The following ERI3 variants were observed in gnomAD, a reference collection of about 807,000 sequenced individuals.
The protein encoded by ERI3 is ERI1 exoribonuclease 3.
A neutral mutation model predicts 44.4 loss-of-function variants in ERI3; 18 were observed. The observed-to-expected ratio is 0.41, with a 90% CI of 0.28 to 0.60. ERI3 has a LOEUF of 0.60. ERI3 is among the 20% of genes least tolerant of loss of function. ERI3 has a pLI of 0.36. For missense variants in ERI3, 294 were observed against 435.5 expected (o/e 0.68, Z 2.89); for synonymous variants, 183 against 164.8 (o/e 1.11, Z -0.84).
chr1:44,271,960 G>A lies in ERI3; in HGVS notation c.831+12875C>T, dbSNP rs146302962. ...CCTTGCCAATGCTCACATGAACTCT[G>A]CTGTGAGAGTCTCTTTTTCCTAGCT... On this transcript the variant is annotated intron_variant, in intron 7 of 8. Coordinates refer to ENST00000372257, the MANE Select transcript of ERI3 (RefSeq NM_024066.3). Among the ~76,000 whole-genome samples the A allele has an allele frequency of 3.9e-5, 6 of 152,290 alleles. No individual in the cohort carries two copies. In the South Asian group the frequency reaches 1.2e-3, roughly 32 times the overall value.
intron 5 of ERI3, among the ~76,000 whole-genome samples, chr1:44,310,967 A>C (rs3927125): frequency 2.9e-5 from 2 of 67,978 alleles, no homozygotes; most frequent in Non-Finnish European, 6.2e-5. Context: ...GCGCGCGCAC[A>C]CACACACACA....
intron 8 of ERI3, among the ~76,000 whole-genome samples, chr1:44,242,847 C>T (rs1426817375): frequency 6.6e-6 from 1 of 152,216 alleles, no homozygotes; most frequent in Admixed American, 6.5e-5. Context: ...CAAAGCTGTA[C>T]TGCAGACGAG....
intron 2 of ERI3, among the ~76,000 whole-genome samples, chr1:44,342,842 T>A (rs1028199632): frequency 2.5e-4 from 8 of 31,826 alleles, no homozygotes; most frequent in South Asian, 1.8e-3. Context: ...TATATATATA[T>A]ATATATATAT....
chr1:44,284,752 T>C (rs1645356960), intron 7 of ERI3, 83 bp downstream of exon 7: 2 of 997,758 alleles, frequency 2.0e-6, no homozygotes, highest in Non-Finnish European at 3.2e-6. Context: ...GGAGAACAGA[T>C]ATAAGAAAAG....
Position 44,241,187 on chromosome 1 carries a change from T to C in ERI3, c.931+6752A>G, listed in dbSNP as rs1269067300. ...GACATTGTCTCTCACCTTAAACCAGTGGTAATGACTTGCAAATATTGATGA... is the reference window on the plus strand; with the variant it reads ...GACATTGTCTCTCACCTTAAACCAGCGGTAATGACTTGCAAATATTGATGA... On this transcript the variant is annotated intron_variant, in intron 8 of 8. Transcript: ENST00000372257. The surrounding 1 kb of genome is among the most constrained non-coding windows in gnomAD (Gnocchi z 5.6). Among the ~76,000 whole-genome samples, 1 of 152,092 alleles carries C rather than the reference T, an allele frequency of 6.6e-6. No individual in the cohort carries two copies. The highest frequency in any genetic ancestry group is 1.9e-4 in the East Asian group (1 of 5,194).
chr1:44,275,082 C>G (rs1645155641), intron 7 of ERI3, among the ~76,000 whole-genome samples: 1 of 152,128 alleles, frequency 6.6e-6, no homozygotes, highest in Non-Finnish European at 1.5e-5. Context: ...AGTGCAAACT[C>G]TCCCCCTCTC....
At chr1:44,282,601 C>G (rs1257698273) in intron 7 of ERI3, among the ~76,000 whole-genome samples, 2 of 152,240 alleles carry the variant, frequency 1.3e-5, no homozygotes, top group Non-Finnish European at 2.9e-5. Context: ...CCTGGGCCTC[C>G]AGACTCAGCA....
At chr1:44,295,779 G>C (rs1158838678) in intron 6 of ERI3, among the ~76,000 whole-genome samples, 2 of 152,208 alleles carry the variant, frequency 1.3e-5, no homozygotes, top group Admixed American at 1.3e-4. Flanking sequence ...TGGGAAAAAT[G>C]CAACAAATTT....
intron 2 of ERI3, among the ~76,000 whole-genome samples, 125 bp downstream of exon 2, chr1:44,352,697 TCAGAAGAAGCTACAAAAAAATATGATTC>T (rs1314386322): frequency 2.6e-5 from 4 of 152,042 alleles, no homozygotes; most frequent in Non-Finnish European, 1.5e-5. Context: ...TGTTACTTTA[TCAGAAGAAGCTACAAAAAAATATGATTC>T]GTTTAGACTT....
chr1:44,314,157 G>GA (rs987536946), intron 4 of ERI3, among the ~76,000 whole-genome samples: 2 of 151,442 alleles, frequency 1.3e-5, no homozygotes, highest in Non-Finnish European at 1.5e-5. Flanking sequence ...GTGTGTTGGG[G>GA]GGGGGGAGAT....
chr1:44,353,797 G>A, intron 1 of ERI3: 1 of 985,378 alleles, frequency 1.0e-6, no homozygotes, highest in African/African-American at 1.7e-5. Context: ...GAGTGCTTAA[G>A]TTGCCAAAGT....
At chr1:44,308,046 C>G (rs577856599) in intron 6 of ERI3, among the ~76,000 whole-genome samples, 6 of 152,310 alleles carry the variant, frequency 3.9e-5, no homozygotes. Flanking sequence ...ACACACAGCC[C>G]CAGCAATCGG....
intron 7 of ERI3, among the ~76,000 whole-genome samples, chr1:44,261,301 C>A (rs1217114480): frequency 2.6e-5 from 4 of 152,230 alleles, no homozygotes; most frequent in African/African-American, 9.6e-5. Flanking sequence ...GAGGAAGGCG[C>A]GAGTCAGTCT....
intron 6 of ERI3, among the ~76,000 whole-genome samples, chr1:44,297,559 G>A (rs1245921890): frequency 6.6e-6 from 1 of 152,142 alleles, no homozygotes; most frequent in Non-Finnish European, 1.5e-5. Flanking sequence ...CCCAGTTCAG[G>A]AGCATAGTGG....
rs371378412 is a variant in ERI3 at position 44,249,803 on chromosome 1, C to T, written c.832-1765G>A. 2.3e-4 allele frequency among the ~76,000 whole-genome samples: 35 copies of T among 152,276 alleles called. 1 individual carries two copies. In the East Asian group the frequency reaches 2.5e-3, roughly 11 times the overall value. ...AGCCTGGTCAGGGCTGAGGCTGGAG[C>T]GCAGTGGGCCAGAGAGCAGTGGCGG... On this transcript the variant is annotated intron_variant, in intron 7 of 8. Transcript: ENST00000372257.
intron 2 of ERI3, 35 bp downstream of exon 2, chr1:44,352,815 T>C (rs1385924644): frequency 6.2e-7 from 1 of 1,611,686 alleles, no homozygotes; most frequent in Non-Finnish European, 8.5e-7. Context: ...CAGAAGAAAA[T>C]AAAGCCAGAC....
intron 5 of ERI3, among the ~76,000 whole-genome samples, chr1:44,310,963 G>GCGCGCGCGCGCGCGCGCGCGCA: frequency 8.1e-6 from 1 of 123,202 alleles, no homozygotes; most frequent in Non-Finnish European, 1.7e-5. Context: ...GCGCGCGCGC[G>GCGCGCGCGCGCGCGCGCGCGCA]CACACACACA....
intron 8 of ERI3, among the ~76,000 whole-genome samples, chr1:44,240,675 T>C (rs1176963252): frequency 6.6e-6 from 1 of 152,224 alleles, no homozygotes; most frequent in African/African-American, 2.4e-5. Flanking sequence ...TCTGTACTAA[T>C]ACCTGGCCCT....
chr1:44,275,910 T>G (rs140019694), intron 7 of ERI3, among the ~76,000 whole-genome samples: 1 of 151,996 alleles, frequency 6.6e-6, no homozygotes, highest in African/African-American at 2.4e-5. Flanking sequence ...GTAATTTATT[T>G]TAAAAAATCG....
Sources: allele counts gnomAD v4.1 joint callset (sites outside exome capture counted in the v4.1 genomes callset), GRCh38; gene constraint gnomAD v4.1.1; non-coding constraint Gnocchi (gnomAD v3.1); transcripts MANE v1.5; gene names NCBI Gene and HGNC (gene_info 2026-07-23, HGNC 2026-07-21).